The following MTCH1 variants were observed in gnomAD, a reference collection of about 807,000 sequenced individuals.
The protein encoded by MTCH1 is mitochondrial carrier homolog 1.
Under a neutral mutation model 49.3 loss-of-function variants are expected in MTCH1, and 23 were observed. The observed-to-expected ratio is 0.47, with a 90% CI of 0.34 to 0.66. The LOEUF (loss-of-function observed/expected upper bound fraction) is 0.66. Among genes scored for constraint, MTCH1 ranks in the 30% least tolerant of loss-of-function variants. The probability of loss-of-function intolerance (pLI) is 0.01; values close to 1 mark genes in which losing one functional copy is unlikely to be tolerated. For missense variants in MTCH1, 397 were observed against 532.1 expected (o/e 0.75, Z 2.50); for synonymous variants, 229 against 215.2 (o/e 1.06, Z -0.56).
intron 2 of MTCH1, 152 bp downstream of exon 2, chr6:36,981,436 T>C (rs1764083221): frequency 3.0e-6 from 2 of 660,304 alleles, no homozygotes; most frequent in Non-Finnish European, 2.5e-6. Flanking sequence ...CGACACCATG[T>C]CCTCTCTGTA....
Position 36,985,904 on chromosome 6 carries a change from C to G in MTCH1, c.270G>C (p.Ala90=). 6.4e-7 allele frequency: 1 copy of G among 1,557,968 alleles called. No individual in the cohort carries two copies. Among genetic ancestry groups the G allele is most frequent in the Non-Finnish European group, 8.7e-7 (1 of 1,150,942 alleles). ...TTEALFVALG[A]GVTALSHPLL... ...GGGGATGGCTGAGCGCCGTCACGCC[C>G]GCGCCCAGTGCCACGAAAAGAGCCT... The change falls in exon 1 of 12, where the codon GCG becomes GCC. Residue 90 remains alanine (A), a synonymous_variant. Transcript: ENST00000373627.
chr6:36,972,506 T>G lies in MTCH1; in HGVS notation c.906+146A>C. Reference sequence around the variant, plus strand: ...CTCGCCTCTTGAGGCCGTTCTCCCCTTAGACAAAGATGACTCCAGGGATAA... The same window carrying G: ...CTCGCCTCTTGAGGCCGTTCTCCCCGTAGACAAAGATGACTCCAGGGATAA... On this transcript the variant is annotated intron_variant, in intron 8 of 11. Coordinates refer to ENST00000373627, the MANE Select transcript of MTCH1 (RefSeq NM_001271641.2). This position sits in a 1 kb window ranked among gnomAD's most constrained non-coding sequence, Gnocchi z 4.1. 2.0e-6 allele frequency: 2 copies of G among 997,508 alleles called. No homozygotes were observed. Among genetic ancestry groups the G allele is most frequent in the Non-Finnish European group, 2.8e-6 (2 of 713,728 alleles). 61.8% of individuals were successfully genotyped at this position (997,508 alleles called of 1,614,324 possible). A position where few individuals can be genotyped will look rare whatever the true frequency, so the allele number is the denominator to read the frequency against.
Position 36,968,564 on chromosome 6 carries a change from C to A in MTCH1, c.*339G>T. 1 of 395,208 alleles carries A rather than the reference C, an allele frequency of 2.5e-6. No homozygotes were observed. The highest frequency in any genetic ancestry group is 2.0e-5 in the South Asian group (1 of 51,058). 24.5% of individuals were successfully genotyped at this position (395,208 alleles called of 1,614,324 possible). On this transcript the variant is annotated 3_prime_UTR_variant, in exon 12 of 12. Coordinates refer to ENST00000373627, the MANE Select transcript of MTCH1 (RefSeq NM_001271641.2). ...GGGGTAGACGGGGTGGGGTCTGACC[C>A]CATTAGCCTTTCCCCATCCAACCTG...
chr6:36,970,705 A>G lies in MTCH1; in HGVS notation c.907-11T>C. The G allele has an allele frequency of 1.2e-6, 2 of 1,613,776 alleles. No homozygotes were observed. The highest frequency in any genetic ancestry group is 1.3e-5 in the African/African-American group (1 of 75,074). ...CAGGGCCTGGCTGAACTGAGGAGAC[A>G]GAAGGGAAGAGTGGTTTGCCACAGG... On this transcript the variant is annotated splice_polypyrimidine_tract_variant and intron_variant, in intron 8 of 11. Transcript: ENST00000373627.
intron 11 of MTCH1, chr6:36,969,544 T>C (rs896320961): frequency 1.0e-5 from 12 of 1,143,700 alleles, no homozygotes; most frequent in South Asian, 2.0e-5. Context: ...GAACCCAAGG[T>C]TGGTACTGCT....
chr6:36,984,361 G>C (rs1447134758), intron 1 of MTCH1, among the ~76,000 whole-genome samples: 2 of 152,104 alleles, frequency 1.3e-5, no homozygotes, highest in Non-Finnish European at 2.9e-5. Flanking sequence ...CACAATTAGG[G>C]TCTAGTCAGG....
chr6:36,977,395 CCT>C lies in MTCH1; in HGVS notation c.650-147_650-146del, dbSNP rs1763920108. 2 of 819,398 alleles carry C rather than the reference CCT, an allele frequency of 2.4e-6. No homozygotes were observed. The highest frequency in any genetic ancestry group is 1.7e-5 in the African/African-American group (1 of 59,046). The allele number at this position is 819,398 out of a possible 1,614,324, so 50.8% of individuals were successfully genotyped here. The stretch of plus-strand genomic sequence containing the variant: ...GAGAGGAAGAGGGCCTTTCGGATTC[CCT>C]GTTACACCCCATGACCACAGCATGC... On this transcript the variant is annotated intron_variant, in intron 5 of 11. Transcript: ENST00000373627. The surrounding 1 kb of genome is among the most constrained non-coding windows in gnomAD (Gnocchi z 5.4).
At chr6:36,971,764 C>T (rs1187937015) in intron 8 of MTCH1, among the ~76,000 whole-genome samples, 1 of 152,072 alleles carries the variant, frequency 6.6e-6, no homozygotes, top group African/African-American at 2.4e-5. Flanking sequence ...CGTCCCCAGG[C>T]CCTCCTAGCC....
In MTCH1 at chr6:36,972,674, T is replaced by C. The variant is rs1388848981; in HGVS notation, c.884A>G (p.Asn295Ser). The C allele has an allele frequency of 6.4e-7, 1 of 1,551,230 alleles. No homozygotes were observed. Among genetic ancestry groups the C allele is most frequent in the Non-Finnish European group, 8.7e-7 (1 of 1,146,552 alleles). The change falls in exon 8 of 12, where the codon AAC becomes AGC. Residue 295 changes from asparagine (N) to serine (S), a missense_variant. Asn to Ser is a conservative substitution (Grantham distance 46). Transcript: ENST00000373627. The surrounding 1 kb of genome is among the most constrained non-coding windows in gnomAD (Gnocchi z 4.1). ...AACCTGGGAACCTGGATTCTGGTCG[T>C]TTCCCAGCCCCCCTGGGGTGTCACT... ...SVSDTPGGLG[N>S]DQNPGSQFSQ... is the part of the protein sequence containing the mutation.
intron 9 of MTCH1, 70 bp downstream of exon 9, chr6:36,970,577 A>G: frequency 6.2e-7 from 1 of 1,608,920 alleles, no homozygotes; most frequent in Non-Finnish European, 8.5e-7. Context: ...AGCCATTACC[A>G]GGGTTGGCCT....
chr6:36,977,173 C>G lies in MTCH1; in HGVS notation c.701+26G>C. 6.2e-7 allele frequency: 1 copy of G among 1,613,184 alleles called. No homozygotes were observed. Among genetic ancestry groups the G allele is most frequent in the Non-Finnish European group, 8.5e-7 (1 of 1,179,358 alleles). On this transcript the variant is annotated intron_variant, in intron 6 of 11. Coordinates refer to ENST00000373627, the MANE Select transcript of MTCH1 (RefSeq NM_001271641.2). This position sits in a 1 kb window ranked among gnomAD's most constrained non-coding sequence, Gnocchi z 5.4. The stretch of plus-strand genomic sequence containing the variant: ...CGACTCTGAAAGGGTAACAGGGCCA[C>G]TCTGCCAGTCCCAAGAGTTACCCAC...
In MTCH1 at chr6:36,968,785, G is replaced by T. The variant is rs946855249; in HGVS notation, c.*118C>A. 2.7e-6 allele frequency: 4 copies of T among 1,482,534 alleles called. No homozygotes were observed. The highest frequency in any genetic ancestry group is 3.7e-6 in the Non-Finnish European group (4 of 1,074,252). The allele number at this position is 1,482,534 out of a possible 1,614,324, so 91.8% of individuals were successfully genotyped here. A position where few individuals can be genotyped will look rare whatever the true frequency, so the allele number is the denominator to read the frequency against. On this transcript the variant is annotated 3_prime_UTR_variant, in exon 12 of 12. Transcript: ENST00000373627. ...CATGGCAAATATGGAACTGAAGCCCGGCTGGGCTGGAGCACATCTGGTTGT... is the reference window on the plus strand; with the variant it reads ...CATGGCAAATATGGAACTGAAGCCCTGCTGGGCTGGAGCACATCTGGTTGT...
Position 36,978,094 on chromosome 6 carries a change from T to C in MTCH1, c.575A>G (p.Lys192Arg). ...SNKDDMKTSL[K>R]KVVKETSYEM... ...AACACCCACCTCCTTCACAACTTTC[T>C]TCAGGGAAGTCTTCATATCATCCTT... The change falls in exon 4 of 12, where the codon AAG becomes AGG. Residue 192 changes from lysine (K) to arginine (R), a missense_variant. Physicochemically the swap from Lys to Arg is conservative, Grantham distance 26. Coordinates refer to ENST00000373627, the MANE Select transcript of MTCH1 (RefSeq NM_001271641.2). 1 of 1,613,180 alleles carries C rather than the reference T, an allele frequency of 6.2e-7. No individual in the cohort carries two copies. The highest frequency in any genetic ancestry group is 8.5e-7 in the Non-Finnish European group (1 of 1,179,116).
intron 8 of MTCH1, 175 bp from the exon 9 acceptor site, chr6:36,970,869 G>T: frequency 1.4e-6 from 1 of 727,878 alleles, no homozygotes; most frequent in African/African-American, 1.7e-5. Context: ...CAGAAACGGG[G>T]TAAGTGGACT....
intron 10 of MTCH1, 26 bp downstream of exon 10, chr6:36,970,380 T>G (rs200114102): frequency 6.2e-7 from 1 of 1,612,414 alleles, no homozygotes; most frequent in Non-Finnish European, 8.5e-7. Flanking sequence ...GTAGGTAGAG[T>G]GGCAAGTAGA....
At chr6:36,984,216 C>A (rs79421282) in intron 1 of MTCH1, among the ~76,000 whole-genome samples, 21,963 of 125,186 alleles carry the variant, frequency 0.18, 1,800 homozygotes, top group Admixed American at 0.27. Context: ...GTCCAAAGCA[C>A]CAATTTATCT....
chr6:36,986,098 C>T lies in MTCH1; in HGVS notation c.76G>A (p.Ala26Thr), dbSNP rs977375162. ...GCCGCCGCTCCGCCGCGAGCTCCGG[C>T]TCCAGCTCCGGCTCCCGCCATCCCC... ...AAGMAGAGAGAGARGGAAAGV... is the reference protein window; with the variant it reads ...AAGMAGAGAGTGARGGAAAGV... Residue 26 changes from alanine to threonine, a missense_variant, in exon 1 of 12, where the codon GCC (alanine) becomes ACC (threonine). Transcript: ENST00000373627. 3 of 1,437,848 alleles carry T rather than the reference C, an allele frequency of 2.1e-6. No individual in the cohort carries two copies. The Admixed American group carries it at 9.5e-5, about 45-fold the overall frequency. 89.1% of individuals were successfully genotyped at this position (1,437,848 alleles called of 1,614,324 possible).
chr6:36,974,373 A>G (rs918625434), intron 7 of MTCH1, among the ~76,000 whole-genome samples: 2 of 152,062 alleles, frequency 1.3e-5, no homozygotes, highest in Non-Finnish European at 2.9e-5. Flanking sequence ...ACTAATTTTT[A>G]AAAACATTTT....
rs1763922114 is a variant in MTCH1 at position 36,977,443 on chromosome 6, A to G, written c.649+191T>C. Among the ~76,000 whole-genome samples, 1 of 152,116 alleles carries G rather than the reference A, an allele frequency of 6.6e-6. No individual in the cohort carries two copies. Among genetic ancestry groups the G allele is most frequent in the African/African-American group, 2.4e-5 (1 of 41,418 alleles). On this transcript the variant is annotated intron_variant, in intron 5 of 11. Transcript: ENST00000373627. This position sits in a 1 kb window ranked among gnomAD's most constrained non-coding sequence, Gnocchi z 5.4. ...CATGCCATTTCTACTGCCTGGGAAG[A>G]GCCCCACCTCCCTTTGGAAAGAATT... is the stretch of plus-strand genomic sequence containing the variant.
Sources: allele counts gnomAD v4.1 joint callset (sites outside exome capture counted in the v4.1 genomes callset), GRCh38; gene constraint gnomAD v4.1.1; non-coding constraint Gnocchi (gnomAD v3.1); transcripts MANE v1.5; gene names NCBI Gene and HGNC (gene_info 2026-07-23, HGNC 2026-07-21).